TNFSF10: variants seen among roughly 807,000 people sequenced by gnomAD.
TNFSF10 encodes TNF superfamily member 10, also known as tumor necrosis factor ligand superfamily member 10.
TNFSF10 carries 13 observed loss-of-function variants against 29.5 expected under a neutral mutation model. That is an observed-to-expected ratio of 0.44 (90% CI 0.29 to 0.70). TNFSF10 has a LOEUF of 0.70. Among genes scored for constraint, TNFSF10 ranks in the 30% least tolerant of loss-of-function variants. TNFSF10 has a pLI of 0.13. For missense variants in TNFSF10, 345 were observed against 330.9 expected (o/e 1.04, Z -0.33); for synonymous variants, 111 against 112.8 (o/e 0.98, Z 0.10).
intron 2 of TNFSF10, 69 bp from the exon 3 acceptor site, chr3:172,511,728 G>C (rs1439451757): frequency 1.5e-6 from 2 of 1,347,638 alleles, no homozygotes; most frequent in Middle Eastern, 2.2e-4. Flanking sequence ...AATGCCTATG[G>C]CTCATCTTGC....
chr3:172,513,492 A>C (rs1021296566), intron 2 of TNFSF10, among the ~76,000 whole-genome samples: 1 of 152,224 alleles, frequency 6.6e-6, no homozygotes, highest in South Asian at 2.1e-4. Flanking sequence ...CAATGCCGCC[A>C]GGGCAGCCAC....
At chr3:172,507,016 G>A in intron 4 of TNFSF10, 97 bp from the exon 5 acceptor site, 6 of 1,058,510 alleles carry the variant, frequency 5.7e-6, no homozygotes, top group Non-Finnish European at 7.9e-6. Context: ...ATTTTTGTTG[G>A]GCTTGCCAGG....
At chr3:172,508,536 G>A (rs1259577582) in intron 4 of TNFSF10, among the ~76,000 whole-genome samples, 2 of 152,150 alleles carry the variant, frequency 1.3e-5, no homozygotes, top group Non-Finnish European at 1.5e-5. Flanking sequence ...AACCTTTAAA[G>A]AGAAGGGAGA....
chr3:172,513,709 C>T (rs150558445), intron 2 of TNFSF10, among the ~76,000 whole-genome samples: 10 of 152,318 alleles, frequency 6.6e-5, no homozygotes, highest in African/African-American at 2.4e-4. Flanking sequence ...AACACATTCT[C>T]CTCCTACCCT....
chr3:172,508,560 A>G (rs1353130885), intron 4 of TNFSF10, among the ~76,000 whole-genome samples: 1 of 152,134 alleles, frequency 6.6e-6, no homozygotes, highest in African/African-American at 2.4e-5. Flanking sequence ...GATGGCGAGC[A>G]AAGAAGAGAA....
intron 4 of TNFSF10, 96 bp downstream of exon 4, chr3:172,509,121 T>C (rs902883397): frequency 2.0e-5 from 20 of 994,702 alleles, no homozygotes; most frequent in Non-Finnish European, 2.4e-5. Context: ...TAGATAGCCA[T>C]ATAAACATTT....
chr3:172,522,907 CAAAA>C (rs1713762736), intron 1 of TNFSF10, among the ~76,000 whole-genome samples: 9 of 152,074 alleles, frequency 5.9e-5, no homozygotes, highest in Admixed American at 5.9e-4. Context: ...AAAAGGAAAA[CAAAA>C]GAACTACAAA....
chr3:172,516,648 G>A (rs553636840), intron 1 of TNFSF10, among the ~76,000 whole-genome samples: 33 of 152,174 alleles, frequency 2.2e-4, no homozygotes, highest in East Asian at 1.5e-3. Flanking sequence ...AAACATTCCC[G>A]TAGTATATGT....
Position 172,518,515 on chromosome 3 carries a change from C to T in TNFSF10, c.133-3517G>A, listed in dbSNP as rs139398301. The T allele has an allele frequency of 1.5e-5, 19 of 1,264,504 alleles. No homozygotes were observed. In the African/African-American group the frequency reaches 2.0e-4, roughly 13 times the overall value. The allele number at this position is 1,264,504 out of a possible 1,614,324, so 78.3% of individuals were successfully genotyped here. A position where few individuals can be genotyped will look rare whatever the true frequency, so the allele number is the denominator to read the frequency against. ...TATGGAGATCCGTGGAGAGGAAGCC[C>T]TTCTCCTTTTTCCTCCCCATCTATG... On this transcript the variant is annotated intron_variant, in intron 1 of 4. Transcript: ENST00000241261.
intron 1 of TNFSF10, among the ~76,000 whole-genome samples, chr3:172,520,711 G>A (rs1263153236): frequency 6.6e-6 from 1 of 152,180 alleles, no homozygotes; most frequent in Non-Finnish European, 1.5e-5. Flanking sequence ...GTATACTAAT[G>A]AGCAGAAGCA....
chr3:172,523,191 G>C, intron 1 of TNFSF10, 62 bp downstream of exon 1: 1 of 1,504,822 alleles, frequency 6.6e-7, no homozygotes, highest in African/African-American at 1.4e-5. Context: ...GACATGCAAA[G>C]AAGCAGGTAA....
At chr3:172,517,016 C>CT (rs1384416959) in intron 1 of TNFSF10, among the ~76,000 whole-genome samples, 2 of 152,228 alleles carry the variant, frequency 1.3e-5, no homozygotes, top group African/African-American at 4.8e-5. Flanking sequence ...AGCAGGCTCA[C>CT]AAGTCTCTGT....
At chr3:172,508,788 C>G (rs566832385) in intron 4 of TNFSF10, among the ~76,000 whole-genome samples, 1 of 152,102 alleles carries the variant, frequency 6.6e-6, no homozygotes, top group East Asian at 1.9e-4. Flanking sequence ...ACTTGGGAGG[C>G]TGAGGCAGGA....
At chr3:172,507,015 G>T in intron 4 of TNFSF10, 96 bp from the exon 5 acceptor site, 2 of 1,055,824 alleles carry the variant, frequency 1.9e-6, no homozygotes, top group South Asian at 3.5e-5. Flanking sequence ...TATTTTTGTT[G>T]GGCTTGCCAG....
intron 3 of TNFSF10, among the ~76,000 whole-genome samples, chr3:172,510,763 A>G (rs1478888959): frequency 6.6e-6 from 1 of 152,056 alleles, no homozygotes; most frequent in African/African-American, 2.4e-5. Flanking sequence ...AGAAATGATA[A>G]GAAAGAAGGC....
At chr3:172,521,102 A>G (rs1713671829) in intron 1 of TNFSF10, among the ~76,000 whole-genome samples, 1 of 152,234 alleles carries the variant, frequency 6.6e-6, no homozygotes, top group South Asian at 2.1e-4. Context: ...TAAAAACCCC[A>G]GAAGAAAACC....
At chr3:172,509,802 C>T (rs977307935) in intron 3 of TNFSF10, among the ~76,000 whole-genome samples, 4 of 151,872 alleles carry the variant, frequency 2.6e-5, no homozygotes, top group South Asian at 2.1e-4. Flanking sequence ...CACGGTGAAA[C>T]CCCATCTCTA....
intron 1 of TNFSF10, among the ~76,000 whole-genome samples, chr3:172,518,794 T>A (rs984329673): frequency 1.1e-4 from 17 of 152,250 alleles, no homozygotes; most frequent in African/African-American, 4.1e-4. Flanking sequence ...TTGAATATAC[T>A]TTTCCAAAGT....
chr3:172,511,639 C>T lies in TNFSF10; in HGVS notation c.291G>A (p.Glu97=), dbSNP rs1205575641. 6.2e-7 allele frequency: 1 copy of T among 1,611,528 alleles called. No individual in the cohort carries two copies. Residue 97 remains glutamate, a synonymous_variant, in exon 3 of 5, where the codon GAG becomes GAA. Coordinates refer to ENST00000241261, the MANE Select transcript of TNFSF10 (RefSeq NM_003810.4). ...TACCTTGAACTGTAGAAATGGTTTC[C>T]TCAGAGGTTCTCAAAATCATCTGCA... ...LVRKMILRTS[E]ETISTVQEKQ...
Sources: gnomAD v4.1 joint callset for allele counts (sites outside exome capture counted in the v4.1 genomes callset) on GRCh38, gnomAD v4.1.1 for gene constraint, MANE v1.5 for transcripts, NCBI Gene and HGNC (gene_info 2026-07-23, HGNC 2026-07-21) for gene names.